Variants in NPSR1 observed in about 807,000 individuals in gnomAD.
NPSR1 encodes neuropeptide S receptor 1.
NPSR1 carries 48 observed loss-of-function variants against 46.9 expected under a neutral mutation model. That is an observed-to-expected ratio of 1.02 (90% confidence interval 0.81 to 1.30). The LOEUF is 1.30. Ranked by LOEUF, NPSR1 falls within the 50% of genes most tolerant of loss-of-function variation. The pLI, the probability that NPSR1 is intolerant of heterozygous loss-of-function variation, is 0.00. For synonymous variants in NPSR1, 176 were observed against 168.1 expected (o/e 1.05, Z -0.36); for missense variants, 450 against 449.5 (o/e 1.00, Z -0.01).
intron 2 of NPSR1, among the ~76,000 whole-genome samples, chr7:34,688,105 A>G (rs1793030896): frequency 6.6e-6 from 1 of 152,192 alleles, no homozygotes; most frequent in Non-Finnish European, 1.5e-5. Context: ...TGAACTAAAA[A>G]TGGATCAGCC....
chr7:34,842,902 G>T (rs780674503), intron 6 of NPSR1, among the ~76,000 whole-genome samples: 1 of 152,142 alleles, frequency 6.6e-6, no homozygotes, highest in Non-Finnish European at 1.5e-5. Flanking sequence ...CACTCTCCAC[G>T]CATTTGTAGG....
chr7:34,663,041 T>TTCTCTCTCTCTCTCTCTCTCTCTC (rs376420280), intron 1 of NPSR1, among the ~76,000 whole-genome samples: 1,303 of 108,214 alleles, frequency 0.012, 29 homozygotes, highest in Non-Finnish European at 0.015. Flanking sequence ...TGTAGTGCAT[T>TTCTCTCTCTCTCTCTCTCTCTCTC]TCTCTCTCTC....
chr7:34,712,177 T>C (rs1458008604), intron 2 of NPSR1, among the ~76,000 whole-genome samples: 1 of 152,232 alleles, frequency 6.6e-6, no homozygotes, highest in Admixed American at 6.5e-5. Flanking sequence ...TGTTTTGTTT[T>C]AGTTTTTATA....
At chr7:34,774,510 A>G (rs1224702843) in intron 2 of NPSR1, among the ~76,000 whole-genome samples, 1 of 152,194 alleles carries the variant, frequency 6.6e-6, no homozygotes, top group Non-Finnish European at 1.5e-5. Flanking sequence ...AGTTCCAAAT[A>G]CATTTGGTGC....
chr7:34,737,012 CT>C (rs36014972), intron 2 of NPSR1, among the ~76,000 whole-genome samples: 51,259 of 151,188 alleles, frequency 0.34, 8,862 homozygotes, highest in East Asian at 0.44. Flanking sequence ...TCTCTTCTAA[CT>C]TTTTAGCACC....
intron 1 of NPSR1, among the ~76,000 whole-genome samples, chr7:34,662,281 G>A (rs1235157723): frequency 6.6e-6 from 1 of 152,190 alleles, no homozygotes; most frequent in South Asian, 2.1e-4. Context: ...CTAAGTGCTT[G>A]AGGGTGATTT....
At chr7:34,754,655 A>C (rs1025487730) in intron 2 of NPSR1, among the ~76,000 whole-genome samples, 1 of 152,294 alleles carries the variant, frequency 6.6e-6, no homozygotes, top group East Asian at 1.9e-4. Context: ...ATAACAATAC[A>C]GTTCACCCAT....
intron 3 of NPSR1, among the ~76,000 whole-genome samples, chr7:34,795,345 G>C (rs1004335334): frequency 6.6e-6 from 1 of 152,092 alleles, no homozygotes; most frequent in African/African-American, 2.4e-5. Context: ...GAGCTTTCTT[G>C]CTAAGATTAG....
rs567631686 is a variant in NPSR1 at position 34,674,051 on chromosome 7, C to T, written c.148-10501C>T. Among the ~76,000 whole-genome samples, 8 of 152,226 alleles carry T rather than the reference C, an allele frequency of 5.3e-5. No individual in the cohort carries two copies. In the South Asian group the frequency reaches 8.3e-4, roughly 16 times the overall value. On this transcript the variant is annotated intron_variant, in intron 1 of 8. Coordinates refer to ENST00000360581, the MANE Select transcript of NPSR1 (RefSeq NM_207172.2). Reference sequence around the variant, plus strand: ...GACAGATTTTAAAAAGGGGCATCATCGGAAGGAGATGGCTGTCAGGGAGAA... The same window carrying T: ...GACAGATTTTAAAAAGGGGCATCATTGGAAGGAGATGGCTGTCAGGGAGAA...
intron 3 of NPSR1, among the ~76,000 whole-genome samples, chr7:34,802,477 A>G (rs980702507): frequency 6.6e-6 from 1 of 150,448 alleles, no homozygotes; most frequent in Admixed American, 6.6e-5. Context: ...AGGATTCCCT[A>G]TTTAATAAAC....
chr7:34,805,902 T>C (rs968741384), intron 3 of NPSR1, among the ~76,000 whole-genome samples: 1 of 151,726 alleles, frequency 6.6e-6, no homozygotes, highest in African/African-American at 2.4e-5. Context: ...ACCAAGAAGA[T>C]GGCAAGTAAA....
At chr7:34,863,349 G>A (rs1011129701) in intron 8 of NPSR1, among the ~76,000 whole-genome samples, 1 of 151,802 alleles carries the variant, frequency 6.6e-6, no homozygotes, top group Non-Finnish European at 1.5e-5. Flanking sequence ...AACACCAAAA[G>A]CAAAGGCAAC....
intron 2 of NPSR1, among the ~76,000 whole-genome samples, chr7:34,716,439 C>A (rs1783573847): frequency 6.6e-6 from 1 of 152,170 alleles, no homozygotes; most frequent in Non-Finnish European, 1.5e-5. Context: ...GATGAAGACA[C>A]AGAGTTTCTG....
chr7:34,716,767 T>A (rs1470922995), intron 2 of NPSR1, among the ~76,000 whole-genome samples: 2 of 152,182 alleles, frequency 1.3e-5, no homozygotes, highest in African/African-American at 2.4e-5. Context: ...CTCCCCTTTG[T>A]ACACCTGCTG....
rs552967999 is a variant in NPSR1 at position 34,818,711 on chromosome 7, C to G, written c.478+6848C>G. Among the ~76,000 whole-genome samples the G allele has an allele frequency of 1.1e-3, 164 of 152,184 alleles. 1 individual carries two copies. The highest frequency in any genetic ancestry group is 3.9e-3 in the African/African-American group (162 of 41,520). The stretch of plus-strand genomic sequence containing the variant: ...AACCAAAACAGCAAGGTACTTGTAC[C>G]AAAACAGAGATATAGACCAATGGAA... On this transcript the variant is annotated intron_variant, in intron 4 of 8. Coordinates refer to ENST00000360581, the MANE Select transcript of NPSR1 (RefSeq NM_207172.2).
chr7:34,866,120 C>T lies in NPSR1; in HGVS notation c.1026-11956C>T, dbSNP rs574218018. 1.3e-4 allele frequency among the ~76,000 whole-genome samples: 20 copies of T among 151,958 alleles called. No individual in the cohort carries two copies. In the East Asian group the frequency reaches 2.1e-3, roughly 16 times the overall value. ...TACTGAGGGACAATACCCTGCATAG[C>T]CCTGGATACTTGGACCTACGTTTTG... On this transcript the variant is annotated intron_variant, in intron 8 of 8. Coordinates refer to the NPSR1 transcript ENST00000359791.
intron 2 of NPSR1, among the ~76,000 whole-genome samples, chr7:34,764,510 T>A (rs752536164): frequency 1.4e-4 from 21 of 152,204 alleles, no homozygotes; most frequent in Non-Finnish European, 2.4e-4. Context: ...ATGGCAGATT[T>A]GAGTAGCTGT....
intron 8 of NPSR1, among the ~76,000 whole-genome samples, chr7:34,862,453 T>A (rs1791211716): frequency 6.6e-6 from 1 of 151,766 alleles, no homozygotes; most frequent in Non-Finnish European, 1.5e-5. Context: ...GCAGTTAGAC[T>A]CTCTATGTTA....
At chr7:34,717,872 A>G (rs939629776) in intron 2 of NPSR1, among the ~76,000 whole-genome samples, 1 of 152,202 alleles carries the variant, frequency 6.6e-6, no homozygotes. Flanking sequence ...CCATCAGACA[A>G]GTCAAATCGC....
Sources: allele counts gnomAD v4.1 joint callset (sites outside exome capture counted in the v4.1 genomes callset), GRCh38; gene constraint gnomAD v4.1.1; transcripts MANE v1.5; gene names NCBI Gene and HGNC (gene_info 2026-07-23, HGNC 2026-07-21).